HMBOX1: variants seen among roughly 807,000 people sequenced by gnomAD.
The protein encoded by HMBOX1 is homeobox containing 1, also known as homeobox-containing protein 1.
HMBOX1 carries 14 observed loss-of-function variants against 54.5 expected under a neutral mutation model. The observed-to-expected ratio is 0.26, with a 90% confidence interval of 0.17 to 0.40. The LOEUF (loss-of-function observed/expected upper bound fraction) is 0.40, where lower values mean the gene tolerates loss of function less well. Among genes scored for constraint, HMBOX1 ranks in the 10% least tolerant of loss-of-function variants. The pLI is 1.00. For synonymous variants in HMBOX1, 160 were observed against 181.0 expected, an observed-to-expected ratio of 0.88 and a Z score of 0.93; for missense variants, 332 against 514.4, an observed-to-expected ratio of 0.65 and a Z score of 3.43.
chr8:28,910,395 G>A (rs971417623), intron 1 of HMBOX1, among the ~76,000 whole-genome samples: 18 of 152,134 alleles, frequency 1.2e-4, no homozygotes, highest in Admixed American at 7.9e-4. Flanking sequence ...ACTTTTTGGG[G>A]GAACATGTTT....
At chr8:29,030,328 C>T (rs1387123935) in intron 6 of HMBOX1, among the ~76,000 whole-genome samples, 1 of 152,026 alleles carries the variant, frequency 6.6e-6, no homozygotes, top group Non-Finnish European at 1.5e-5. Flanking sequence ...AGTGATTCTC[C>T]TGCCTCAGCC....
At chr8:28,973,162 C>G (rs971109439) in intron 3 of HMBOX1, among the ~76,000 whole-genome samples, 10 of 152,150 alleles carry the variant, frequency 6.6e-5, no homozygotes, top group Admixed American at 5.2e-4. Context: ...ATCCTTGGAT[C>G]AGTGGGAAAG....
intron 1 of HMBOX1, among the ~76,000 whole-genome samples, chr8:28,926,972 C>T (rs1455008125): frequency 6.6e-6 from 1 of 151,966 alleles, no homozygotes; most frequent in East Asian, 1.9e-4. Flanking sequence ...TGGATGATTA[C>T]CAGAGGCTGG....
chr8:28,973,812 T>TG (rs1827874980), intron 3 of HMBOX1, among the ~76,000 whole-genome samples: 6 of 26,058 alleles, frequency 2.3e-4, no homozygotes, highest in South Asian at 9.9e-4. Context: ...AGTTTTTTTT[T>TG]TTTTTTTTTT....
At chr8:28,979,272 CAG>C (rs998527348) in intron 3 of HMBOX1, among the ~76,000 whole-genome samples, 6 of 152,150 alleles carry the variant, frequency 3.9e-5, no homozygotes, top group East Asian at 1.9e-4. Flanking sequence ...GGTGGAAAAA[CAG>C]AAGTCTTGCC....
At chr8:28,891,065 A>T (rs941806562) in intron 1 of HMBOX1, 1 of 152,556 alleles carries the variant, frequency 6.6e-6, no homozygotes, top group African/African-American at 2.4e-5. Context: ...AAACTGTGTG[A>T]CGTGTACTTG....
intron 4 of HMBOX1, among the ~76,000 whole-genome samples, chr8:28,995,278 T>C (rs947168458): frequency 2.6e-5 from 4 of 152,194 alleles, no homozygotes; most frequent in Admixed American, 2.6e-4. Flanking sequence ...ATATAAACTT[T>C]TGTGTCGGGC....
chr8:29,020,792 G>A (rs561563367), intron 6 of HMBOX1, among the ~76,000 whole-genome samples: 18 of 152,182 alleles, frequency 1.2e-4, no homozygotes, highest in South Asian at 2.1e-4. Context: ...TTAGTATGAC[G>A]CATATTTTTT....
intron 1 of HMBOX1, among the ~76,000 whole-genome samples, chr8:28,898,769 A>G (rs4732891): frequency 0.88 from 133,968 of 152,234 alleles, 58,997 homozygotes; most frequent in East Asian, 0.95. Flanking sequence ...TTACCTGTTG[A>G]TGGTGACAGT....
intron 4 of HMBOX1, among the ~76,000 whole-genome samples, chr8:28,990,908 C>T (rs1340607504): frequency 6.6e-6 from 1 of 152,122 alleles, no homozygotes; most frequent in African/African-American, 2.4e-5. Flanking sequence ...CCCACCTCGG[C>T]CTCCCAAAGT....
At chr8:28,910,343 T>A (rs1815179655) in intron 1 of HMBOX1, among the ~76,000 whole-genome samples, 1 of 152,336 alleles carries the variant, frequency 6.6e-6, no homozygotes, top group Non-Finnish European at 1.5e-5. Flanking sequence ...GTTTCCAGAT[T>A]GGAGGATATT....
intron 4 of HMBOX1, among the ~76,000 whole-genome samples, chr8:28,991,404 A>G (rs757271984): frequency 1.3e-5 from 2 of 152,206 alleles, no homozygotes; most frequent in Non-Finnish European, 2.9e-5. Flanking sequence ...TAAAGAACAT[A>G]GTTTTTACTT....
At chr8:28,994,123 C>T (rs887207476) in intron 4 of HMBOX1, among the ~76,000 whole-genome samples, 27 of 148,256 alleles carry the variant, frequency 1.8e-4, no homozygotes, top group Non-Finnish European at 3.3e-4. Context: ...GCCAAGATTG[C>T]GCTACTGCAA....
upstream of HMBOX1, chr8:28,890,262 C>T (rs1262641803): frequency 1.0e-5 from 2 of 192,252 alleles, no homozygotes. Context: ...AAAGGGAAGG[C>T]GGATGGGCAC....
At chr8:28,892,140 T>C (rs1373253877) in intron 1 of HMBOX1, among the ~76,000 whole-genome samples, 2 of 152,252 alleles carry the variant, frequency 1.3e-5, no homozygotes, top group Non-Finnish European at 2.9e-5. Flanking sequence ...TACCATAAAA[T>C]GCATCGTTAA....
At position 29,052,748 on chromosome 8, in the gene HMBOX1, C is replaced by T. The variant is rs1806555123; in HGVS notation, c.*1593C>T. On this transcript the variant is annotated 3_prime_UTR_variant, in exon 10 of 10. Coordinates refer to ENST00000287701, the MANE Select transcript of HMBOX1 (RefSeq NM_001135726.3). ...TAAGAGGAAAGAGCCTTCAATGTAG[C>T]AGCACAGGGTGCGCCTGAAAGAGGC... 1 of 152,162 alleles carries T rather than the reference C, an allele frequency of 6.6e-6. No individual in the cohort carries two copies. The highest frequency in any genetic ancestry group is 2.4e-5 in the African/African-American group (1 of 41,434). The allele number at this position is 152,162 out of a possible 1,614,324, so 9.4% of individuals were successfully genotyped here. A position where few individuals can be genotyped will look rare whatever the true frequency, so the allele number is the denominator to read the frequency against.
At chr8:28,989,929 C>T (rs927408954) in intron 4 of HMBOX1, among the ~76,000 whole-genome samples, 2 of 152,140 alleles carry the variant, frequency 1.3e-5, no homozygotes, top group Middle Eastern at 3.4e-3. Flanking sequence ...ACATAAAATT[C>T]CTCTCTAAAT....
At chr8:29,030,183 T>TG (rs1217455529) in intron 6 of HMBOX1, among the ~76,000 whole-genome samples, 24 of 151,734 alleles carry the variant, frequency 1.6e-4, no homozygotes, top group Non-Finnish European at 1.6e-4. Context: ...GTTCCAGTTT[T>TG]TTTTTTTTTT....
At chr8:28,993,721 C>A (rs188469307) in intron 4 of HMBOX1, among the ~76,000 whole-genome samples, 1 of 152,242 alleles carries the variant, frequency 6.6e-6, no homozygotes, top group Admixed American at 6.5e-5. Context: ...ATAATCTGTA[C>A]CGGCCAGATT....
Sources: gnomAD v4.1 joint callset for allele counts (sites outside exome capture counted in the v4.1 genomes callset) on GRCh38, gnomAD v4.1.1 for gene constraint, MANE v1.5 for transcripts, NCBI Gene and HGNC (gene_info 2026-07-23, HGNC 2026-07-21) for gene names.